Variants in PRTN3 observed in about 807,000 individuals in gnomAD.
PRTN3 encodes proteinase 3.
Under a neutral mutation model 20.7 loss-of-function variants are expected in PRTN3, and 22 were observed. The observed-to-expected ratio is 1.06, with a 90% CI of 0.76 to 1.52. The LOEUF is 1.52. Ranked by LOEUF, PRTN3 falls within the 40% of genes most tolerant of loss-of-function variation. The pLI, the probability that PRTN3 is intolerant of heterozygous loss-of-function variation, is 0.00. For missense variants in PRTN3, 378 were observed against 359.6 expected (o/e 1.05, Z -0.41); for synonymous variants, 173 against 152.9 (o/e 1.13, Z -0.97).
intron 3 of PRTN3, among the ~76,000 whole-genome samples, chr19:844,529 C>T (rs1382496828): frequency 7.3e-6 from 1 of 136,632 alleles, no homozygotes; most frequent in Non-Finnish European, 1.6e-5. Context: ...CCCCTCTCCC[C>T]TGCCTGCGCC....
At chr19:845,486 G>A (rs1028672211) in intron 3 of PRTN3, among the ~76,000 whole-genome samples, 1 of 151,726 alleles carries the variant, frequency 6.6e-6, no homozygotes, top group Non-Finnish European at 1.5e-5. Context: ...AGGCCGAGGC[G>A]GGCGGATCGC....
rs368260683 is a variant in PRTN3 at position 846,221 on chromosome 19, C to A, written c.444C>A (p.His148Gln). The change falls in exon 4 of 5, where the codon CAC becomes CAA. Residue 148 changes from histidine (H) to glutamine (Q), a missense_variant. By Grantham distance (24) the His-to-Gln change is conservative (BLOSUM62 0). Coordinates refer to ENST00000234347, the MANE Select transcript of PRTN3 (RefSeq NM_002777.4). ...CACAGCAGGACCAGCCAGTGCCCCA[C>A]GGCACCCAGTGCCTGGCCATGGGCT... ...QLPQQDQPVP[H>Q]GTQCLAMGWG... 2.6e-6 allele frequency: 4 copies of A among 1,548,310 alleles called. No individual in the cohort carries two copies. The East Asian group carries it at 7.3e-5, about 28-fold the overall frequency.
Position 848,082 on chromosome 19 carries a change from C to G in PRTN3, c.*113C>G. The G allele has an allele frequency of 3.0e-6, 4 of 1,319,988 alleles. No individual in the cohort carries two copies. The highest frequency in any genetic ancestry group is 2.4e-5 in the Admixed American group (1 of 42,002). 81.8% of individuals were successfully genotyped at this position (1,319,988 alleles called of 1,614,324 possible). ...AACACTGTGGCGTCCGGGACGGCCC[C>G]ACCCGTCCCCCCACACTCCCTCCCA... On this transcript the variant is annotated 3_prime_UTR_variant, in exon 5 of 5. Coordinates refer to ENST00000234347, the MANE Select transcript of PRTN3 (RefSeq NM_002777.4).
rs532360046 is a variant in PRTN3, at chr19:841,736, T to C, written c.61+667T>C. Among the ~76,000 whole-genome samples the C allele has an allele frequency of 2.7e-5, 4 of 147,724 alleles. No homozygotes were observed. The East Asian group carries it at 7.8e-4, about 29-fold the overall frequency. ...GTGATTTTCTTTTTCTTTTTCTTTTTTTTTTTTTTGAGACGGAGTCTCGCC... is the reference window on the plus strand; with the variant it reads ...GTGATTTTCTTTTTCTTTTTCTTTTCTTTTTTTTTGAGACGGAGTCTCGCC... On this transcript the variant is annotated intron_variant, in intron 1 of 4. Coordinates refer to ENST00000234347, the MANE Select transcript of PRTN3 (RefSeq NM_002777.4).
Position 847,834 on chromosome 19 carries a change from C to G in PRTN3, c.636C>G (p.Ile212Met), listed in dbSNP as rs748825295. Residue 212 changes from isoleucine (I) to methionine (M), a missense_variant, in exon 5 of 5, where the codon ATC becomes ATG. Ile to Met is a conservative substitution (Grantham distance 10). Coordinates refer to ENST00000234347, the MANE Select transcript of PRTN3 (RefSeq NM_002777.4). Reference protein sequence around the residue: ...DSGGPLICDGIIQGIDSFVIW... With the variant: ...DSGGPLICDGMIQGIDSFVIW... ...GTGGCCCCCTGATCTGTGATGGCAT[C>G]ATCCAAGGAATAGACTCCTTCGTGA... 6.2e-7 allele frequency: 1 copy of G among 1,609,536 alleles called. No individual in the cohort carries two copies. Among genetic ancestry groups the G allele is most frequent in the Non-Finnish European group, 8.5e-7 (1 of 1,177,850 alleles).
In PRTN3 at chr19:847,278, G is replaced by C. The variant is rs373225645; in HGVS notation, c.601-521G>C. Among the ~76,000 whole-genome samples the C allele has an allele frequency of 1.2e-4, 18 of 152,132 alleles. 1 individual carries two copies. In the East Asian group the frequency reaches 2.9e-3, roughly 25 times the overall value. On this transcript the variant is annotated intron_variant, in intron 4 of 4. Coordinates refer to ENST00000234347, the MANE Select transcript of PRTN3 (RefSeq NM_002777.4). ...GCTATGATTGTGCCACTGCACTCCA[G>C]CCTGGAGAACAGAGCGAGACCCTGT...
At position 843,918 on chromosome 19, in the gene PRTN3, C is replaced by G; in HGVS notation, c.253C>G (p.Leu85Val). 2 of 1,596,480 alleles carry G rather than the reference C, an allele frequency of 1.3e-6. No individual in the cohort carries two copies. Among genetic ancestry groups the G allele is most frequent in the Non-Finnish European group, 1.7e-6 (2 of 1,172,608 alleles). Residue 85 changes from leucine to valine, a missense_variant, in exon 3 of 5, where the codon CTC (leucine) becomes GTC (valine). Leu to Val is a conservative substitution (Grantham distance 32, BLOSUM62 1). Transcript: ENST00000234347. ...ACCCCAGCGCCTGGTGAACGTGGTG[C>G]TCGGAGCCCACAACGTGCGGACGCA... ...DIPQRLVNVV[L>V]GAHNVRTQEP...
chr19:844,725 C>A (rs1457630083), intron 3 of PRTN3, among the ~76,000 whole-genome samples: 6 of 151,300 alleles, frequency 4.0e-5, no homozygotes. Flanking sequence ...GATCAGCTCC[C>A]CAGGGCAGAG....
intron 3 of PRTN3, among the ~76,000 whole-genome samples, chr19:845,237 C>T (rs2035501446): frequency 6.6e-6 from 1 of 151,792 alleles, no homozygotes; most frequent in Admixed American, 6.6e-5. Flanking sequence ...AGAGAGCCAC[C>T]GCGTCCAGCC....
At chr19:842,146 C>T (rs904830229) in intron 1 of PRTN3, among the ~76,000 whole-genome samples, 1 of 151,776 alleles carries the variant, frequency 6.6e-6, no homozygotes, top group Non-Finnish European at 1.5e-5. Context: ...CTGCCTCCGC[C>T]TCTTGAGTAG....
Position 843,545 on chromosome 19 carries a change from G to T in PRTN3, c.146G>T (p.Gly49Val). 6.3e-7 allele frequency: 1 copy of T among 1,598,802 alleles called. No homozygotes were observed. The highest frequency in any genetic ancestry group is 1.7e-5 in the Admixed American group (1 of 58,782). ...RPYMASLQMRGNPGSHFCGGT... is the reference protein window; with the variant it reads ...RPYMASLQMRVNPGSHFCGGT... ...TACATGGCCTCCCTGCAGATGCGGG[G>T]GAACCCGGGCAGCCACTTCTGCGGA... Residue 49 changes from glycine to valine, a missense_variant, in exon 2 of 5, where the codon GGG becomes GTG. Gly to Val is a moderately radical substitution (Grantham distance 109). Transcript: ENST00000234347.
chr19:846,171 G>T lies in PRTN3; in HGVS notation c.394G>T (p.Ala132Ser). ...GCTGAGCAGCCCAGCCAACCTCAGTGCCTCCGTCGCCACAGTCCAGCTGCC... is the reference window on the plus strand; with the variant it reads ...GCTGAGCAGCCCAGCCAACCTCAGTTCCTCCGTCGCCACAGTCCAGCTGCC... The part of the protein sequence containing the change: ...IQLSSPANLS[A>S]SVATVQLPQQ... The change falls in exon 4 of 5, where the codon GCC becomes TCC. Residue 132 changes from alanine (A) to serine (S), a missense_variant. Ala to Ser is a moderately conservative substitution (Grantham distance 99). Coordinates refer to ENST00000234347, the MANE Select transcript of PRTN3 (RefSeq NM_002777.4). 2.0e-6 allele frequency: 3 copies of T among 1,481,418 alleles called. No individual in the cohort carries two copies. Among genetic ancestry groups the T allele is most frequent in the Non-Finnish European group, 2.7e-6 (3 of 1,112,722 alleles). The allele number at this position is 1,481,418 out of a possible 1,614,324, so 91.8% of individuals were successfully genotyped here. A position where few individuals can be genotyped will look rare whatever the true frequency, so the allele number is the denominator to read the frequency against.
rs566708560 is a variant in PRTN3 at position 841,789 on chromosome 19, G to C, written c.61+720G>C. On this transcript the variant is annotated intron_variant, in intron 1 of 4. Transcript: ENST00000234347. ...GTCGCCCAGGCTGGAGTGCAGTGGC[G>C]CGATCTCGGCTCACTGCAAGCTCAG... Among the ~76,000 whole-genome samples the C allele has an allele frequency of 3.5e-4, 47 of 135,726 alleles. 1 individual carries two copies. Among genetic ancestry groups the C allele is most frequent in the African/African-American group, 1.3e-3 (45 of 35,984 alleles). 89.0% of individuals were successfully genotyped at this position (135,726 alleles called of 152,430 possible).
intron 3 of PRTN3, among the ~76,000 whole-genome samples, chr19:844,819 G>A (rs2035495925): frequency 1.3e-5 from 2 of 151,986 alleles, no homozygotes. Flanking sequence ...TAAGTGCTTG[G>A]GGCTGGGCAC....
intron 1 of PRTN3, among the ~76,000 whole-genome samples, chr19:841,767 G>A (rs12985857): frequency 0.35 from 39,555 of 112,218 alleles, 7,399 homozygotes; most frequent in Admixed American, 0.46. Context: ...TCGCCCTGTC[G>A]CCCAGGCTGG....
At chr19:846,995 G>C (rs1178564077) in intron 4 of PRTN3, among the ~76,000 whole-genome samples, 1 of 152,020 alleles carries the variant, frequency 6.6e-6, no homozygotes, top group Non-Finnish European at 1.5e-5. Flanking sequence ...ATGCCTGGCT[G>C]GTGCTCACAC....
In PRTN3 at chr19:843,583, C is replaced by A; in HGVS notation, c.184C>A (p.His62Asn). Residue 62 changes from histidine (H) to asparagine (N), a missense_variant, in exon 2 of 5, where the codon CAC becomes AAC. Coordinates refer to ENST00000234347, the MANE Select transcript of PRTN3 (RefSeq NM_002777.4). ...CCACTTCTGCGGAGGCACCTTGATC[C>A]ACCCCAGCTTCGTGCTGACGGCCGC... ...GSHFCGGTLI[H>N]PSFVLTAAHC... 6.2e-7 allele frequency: 1 copy of A among 1,602,466 alleles called. No homozygotes were observed. The highest frequency in any genetic ancestry group is 2.2e-5 in the East Asian group (1 of 44,718).
intron 3 of PRTN3, among the ~76,000 whole-genome samples, chr19:845,066 G>C (rs567771608): frequency 1.3e-5 from 2 of 150,134 alleles, no homozygotes; most frequent in Admixed American, 6.7e-5. Flanking sequence ...TCCTGCCTCA[G>C]CCTCCTGAGT....
In PRTN3 at chr19:843,633, G is replaced by T; in HGVS notation, c.227+7G>T. On this transcript the variant is annotated splice_region_variant and intron_variant, in intron 2 of 4. Coordinates refer to ENST00000234347, the MANE Select transcript of PRTN3 (RefSeq NM_002777.4). ...CGCACTGCCTGCGGGACATGTGAGC[G>T]GCCGCCTCCACACCCCTGTCCGCCC... The T allele has an allele frequency of 1.3e-6, 2 of 1,545,470 alleles. No individual in the cohort carries two copies. The highest frequency in any genetic ancestry group is 8.7e-7 in the Non-Finnish European group (1 of 1,152,966).
Sources: allele counts gnomAD v4.1 joint callset (sites outside exome capture counted in the v4.1 genomes callset), GRCh38; gene constraint gnomAD v4.1.1; transcripts MANE v1.5; gene names NCBI Gene and HGNC (gene_info 2026-07-23, HGNC 2026-07-21).